The following CENPI variants were observed in gnomAD, a reference collection of about 807,000 sequenced individuals.
CENPI encodes the protein FSH primary response 1.
In CENPI, 4 loss-of-function variants were observed where a neutral mutation model predicts 60.4. That is an observed-to-expected ratio of 0.07 (90% CI 0.03 to 0.15). CENPI has a LOEUF of 0.15. Ranked by LOEUF, CENPI falls within the 10% of genes least tolerant of loss-of-function variation. The probability of loss-of-function intolerance (pLI) is 1.00; values close to 1 mark genes in which losing one functional copy is unlikely to be tolerated. For missense variants in CENPI, 444 were observed against 534.5 expected (o/e 0.83, Z 1.67); for synonymous variants, 157 against 189.4 (o/e 0.83, Z 1.40).
At chrX:101,124,933 G>A (rs1406031614) in intron 8 of CENPI, among the ~76,000 whole-genome samples, 1 of 111,597 alleles carries the variant, frequency 9.0e-6, no homozygotes, top group East Asian at 2.8e-4. Context: ...TCATCACAGG[G>A]TGTAAACCTG....
chrX:101,107,363 C>CT lies in CENPI; in HGVS notation c.365-2102dup, dbSNP rs911946251. 4.6e-5 allele frequency among the ~76,000 whole-genome samples: 5 copies of CT among 107,616 alleles called. No homozygotes were observed. The East Asian group carries it at 8.8e-4, about 19-fold the overall frequency. 93.5% of individuals were successfully genotyped at this position (107,616 alleles called of 115,157 possible). A position where few individuals can be genotyped will look rare whatever the true frequency, so the allele number is the denominator to read the frequency against. ...CCATAAAATTCATTTTTTTTCTTTT[C>CT]TTTTTTTTGTGAGATGGAGTTTCAC... On this transcript the variant is annotated intron_variant, in intron 4 of 21. Transcript: ENST00000682095.
chrX:101,174,437 T>C, the CENPI span, among the ~76,000 whole-genome samples: 6 of 111,983 alleles, frequency 5.4e-5, no homozygotes, highest in Non-Finnish European at 7.5e-5. Flanking sequence ...CAGTGGTGGA[T>C]TGGATAAAGA....
At chrX:101,105,352 GTC>G (rs1379177979) in intron 4 of CENPI, among the ~76,000 whole-genome samples, 2 of 109,256 alleles carry the variant, frequency 1.8e-5, no homozygotes, top group Admixed American at 9.9e-5. Flanking sequence ...GTGAAACCCC[GTC>G]TCTCCTAAAA....
rs2090140564 is a variant in CENPI at position 101,165,458 on chromosome X, G to A, written c.*2491G>A. ...AAGGAGAGGAGTAAAGGATGACTCA[G>A]ATTTTTGACCTGTCAATTGGGTGAA... On this transcript the variant is annotated 3_prime_UTR_variant, in exon 22 of 22. Transcript: ENST00000682095. Among the ~76,000 whole-genome samples, 1 of 111,837 alleles carries A rather than the reference G, an allele frequency of 8.9e-6. No individual in the cohort carries two copies. The highest frequency in any genetic ancestry group is 1.9e-5 in the Non-Finnish European group (1 of 53,211).
chrX:101,135,903 A>G (rs925584404), intron 15 of CENPI, among the ~76,000 whole-genome samples: 13 of 111,427 alleles, frequency 1.2e-4, no homozygotes, highest in Middle Eastern at 4.6e-3. Flanking sequence ...TGTATTTTTT[A>G]GTAGAGACGG....
intron 17 of CENPI, among the ~76,000 whole-genome samples, chrX:101,145,923 A>C (rs913817641): frequency 1.8e-5 from 2 of 109,834 alleles, no homozygotes; most frequent in African/African-American, 6.6e-5. Context: ...CTTTCCCCCC[A>C]AAAAATGAAA....
rs376778372 is a variant in CENPI, at chrX:101,147,927, A to G, written c.1876-16A>G. 3.3e-6 allele frequency: 4 copies of G among 1,195,498 alleles called. No homozygotes were observed. In the African/African-American group the frequency reaches 7.0e-5, roughly 21 times the overall value. On this transcript the variant is annotated splice_polypyrimidine_tract_variant and intron_variant, in intron 19 of 21. Transcript: ENST00000682095. The stretch of plus-strand genomic sequence containing the variant: ...GAATAGGTGATAGTGACAATTTTTT[A>G]TTTCTTTCCCATTAGACAAAATCAG...
chrX:101,112,895 C>T (rs2089571051), intron 6 of CENPI, among the ~76,000 whole-genome samples: 1 of 109,772 alleles, frequency 9.1e-6, no homozygotes, highest in South Asian at 3.9e-4. Context: ...GTTTATTTAC[C>T]TTGGTGTAGT....
the CENPI span, among the ~76,000 whole-genome samples, chrX:101,172,110 A>C: frequency 4.0e-4 from 45 of 112,105 alleles, 1 homozygote; most frequent in East Asian, 0.011. Flanking sequence ...ATGGTCTACA[A>C]CTTCATACCC....
chrX:101,180,473 T>C, the CENPI span, among the ~76,000 whole-genome samples: 1 of 112,006 alleles, frequency 8.9e-6, no homozygotes, highest in Non-Finnish European at 1.9e-5. Flanking sequence ...TGTCTTTTGG[T>C]TGTCGAGTTC....
At chrX:101,101,907 G>A (rs781499167) in intron 3 of CENPI, among the ~76,000 whole-genome samples, 1 of 112,820 alleles carries the variant, frequency 8.9e-6, no homozygotes, top group Admixed American at 9.4e-5. Flanking sequence ...TGGAGACGGG[G>A]TCTTGCTCTG....
At position 101,145,109 on chromosome X, in the gene CENPI, C is replaced by T. The variant is rs1369258093; in HGVS notation, c.1611C>T (p.Ile537=). 1 of 1,203,401 alleles carries T rather than the reference C, an allele frequency of 8.3e-7. No individual in the cohort carries two copies. Among genetic ancestry groups the T allele is most frequent in the African/African-American group, 1.7e-5 (1 of 57,691 alleles). ...CCATGAACTCTGTGTCTAAACTGATCCACTATGTAGGGTGGCTATCCACTA... is the reference window on the plus strand; with the variant it reads ...CCATGAACTCTGTGTCTAAACTGATTCACTATGTAGGGTGGCTATCCACTA... The part of the protein sequence containing the change: ...GGSMNSVSKL[I]HYVGWLSTTA... Residue 537 remains isoleucine, a synonymous_variant, in exon 17 of 22, where the codon ATC becomes ATT. Coordinates refer to ENST00000682095, the MANE Select transcript of CENPI (RefSeq NM_001386188.2).
At chrX:101,178,398 C>CTTTTTTTTTTTT in the CENPI span, among the ~76,000 whole-genome samples, 164 of 39,974 alleles carry the variant, frequency 4.1e-3, 18 homozygotes, top group Non-Finnish European at 6.1e-3. Context: ...TTTTCTTCTT[C>CTTTTTTTTTTTT]TTTTTTTTTT....
rs777558360 is a variant in CENPI, at chrX:101,109,912, G to A, written c.505G>A (p.Val169Ile). Residue 169 changes from valine to isoleucine, a missense_variant, in exon 6 of 22, where the codon GTT becomes ATT. Physicochemically the swap from Val to Ile is conservative, Grantham distance 29. Coordinates refer to ENST00000682095, the MANE Select transcript of CENPI (RefSeq NM_001386188.2). Reference sequence around the variant, plus strand: ...ATAGGTACTTTTTTATCGTTGGCTGGTTGCAATGTTTGACTTCATTGATCG... The same window carrying A: ...ATAGGTACTTTTTTATCGTTGGCTGATTGCAATGTTTGACTTCATTGATCG... ...STKVLFYRWL[V>I]AMFDFIDRKE... is the part of the protein sequence containing the mutation. 1 of 1,202,889 alleles carries A rather than the reference G, an allele frequency of 8.3e-7. No homozygotes were observed. The highest frequency in any genetic ancestry group is 1.1e-6 in the Non-Finnish European group (1 of 888,404).
chrX:101,149,859 G>A (rs2089992849), intron 20 of CENPI, among the ~76,000 whole-genome samples: 1 of 109,946 alleles, frequency 9.1e-6, no homozygotes, highest in Admixed American at 9.9e-5. Context: ...CTGAGACTCC[G>A]ATTTAATAAC....
intron 6 of CENPI, among the ~76,000 whole-genome samples, chrX:101,114,932 C>T (rs755972520): frequency 4.8e-5 from 5 of 104,098 alleles, no homozygotes; most frequent in African/African-American, 1.1e-4. Flanking sequence ...TGAGCCACTA[C>T]GCCTGGTGTA....
At position 101,102,302 on chromosome X, in the gene CENPI, T is replaced by C. The variant is rs187409283; in HGVS notation, c.255T>C (p.Asp85=). Residue 85 remains aspartate, a synonymous_variant, in exon 4 of 22, where the codon GAT becomes GAC. Transcript: ENST00000682095. ...KGPIKASQNK[D]KTLEKHLKTV... Reference sequence around the variant, plus strand: ...CCATTAAAGCTTCACAGAATAAAGATAAAACCTTGGAAAAACACTTGAAAA... The same window carrying C: ...CCATTAAAGCTTCACAGAATAAAGACAAAACCTTGGAAAAACACTTGAAAA... 2.9e-4 allele frequency: 340 copies of C among 1,191,724 alleles called. No individual in the cohort carries two copies. The highest frequency in any genetic ancestry group is 3.6e-4 in the Non-Finnish European group (314 of 882,642).
At chrX:101,181,257 A>C in the CENPI span, among the ~76,000 whole-genome samples, 2 of 111,529 alleles carry the variant, frequency 1.8e-5, no homozygotes, top group African/African-American at 3.3e-5. Flanking sequence ...TTCAAACTTT[A>C]TTCTTCTTCA....
chrX:101,099,389 G>A (rs944701018), intron 2 of CENPI, among the ~76,000 whole-genome samples: 1 of 106,514 alleles, frequency 9.4e-6, no homozygotes, highest in Non-Finnish European at 1.9e-5. Context: ...GATAGAGATT[G>A]CGCCACTGCA....
Sources: gnomAD v4.1 joint callset for allele counts (sites outside exome capture counted in the v4.1 genomes callset) on GRCh38, gnomAD v4.1.1 for gene constraint, MANE v1.5 for transcripts, NCBI Gene and HGNC (gene_info 2026-07-23, HGNC 2026-07-21) for gene names.